The following RNF150 variants were observed in gnomAD, a reference collection of about 807,000 sequenced individuals.
The protein encoded by RNF150 is ring finger protein 150.
A neutral mutation model predicts 39.3 loss-of-function variants in RNF150; 24 were observed. The ratio of observed to expected loss-of-function variants is 0.61; its 90% confidence interval spans 0.44 to 0.86. The LOEUF is 0.86. RNF150 is among the 40% of genes least tolerant of loss of function. The pLI is 0.00. For missense variants in RNF150, 502 were observed against 587.8 expected (o/e 0.85, Z 1.51); for synonymous variants, 255 against 227.3 (o/e 1.12, Z -1.10).
chr4:140,999,992 A>AAGAAAGAAGAAGAAG (rs1491371280), intron 1 of RNF150, among the ~76,000 whole-genome samples: 1 of 22,422 alleles, frequency 4.5e-5, no homozygotes, highest in Non-Finnish European at 1.3e-4. Context: ...AGAAAAGAAG[A>AAGAAAGAAGAAGAAG]AAAGAAGAAG....
rs373816559 is a variant in RNF150 at position 140,868,077 on chromosome 4, A to C, written c.*184T>G. On this transcript the variant is annotated 3_prime_UTR_variant, in exon 7 of 7. Transcript: ENST00000515673. ...GCCAAGGCCACAGACTGCCATACCG[A>C]TGGAGAAACTGCATCCTGATTGACA... is the stretch of plus-strand genomic sequence containing the variant. 3 of 547,202 alleles carry C rather than the reference A, an allele frequency of 5.5e-6. No individual in the cohort carries two copies. In the African/African-American group the frequency reaches 5.8e-5, roughly 10 times the overall value. The allele number at this position is 547,202 out of a possible 1,614,324, so 33.9% of individuals were successfully genotyped here.
rs1314631654 is a variant in RNF150, at chr4:141,159,906, C to T, written c.-6+52888G>A. On this transcript the variant is annotated intron_variant, in intron 1 of 7. Coordinates refer to the RNF150 transcript ENST00000420921. Reference sequence around the variant, plus strand: ...AGCCATTGTCAAATGCCAGTCCTTACTGGTGTGTTTTTTTTTCAAACTCCC... The same window carrying T: ...AGCCATTGTCAAATGCCAGTCCTTATTGGTGTGTTTTTTTTTCAAACTCCC... Among the ~76,000 whole-genome samples, 3 of 151,630 alleles carry T rather than the reference C, an allele frequency of 2.0e-5. No homozygotes were observed. In the East Asian group the frequency reaches 5.8e-4, roughly 29 times the overall value.
At chr4:141,041,009 C>T (rs1169059683) in intron 1 of RNF150, among the ~76,000 whole-genome samples, 1 of 152,070 alleles carries the variant, frequency 6.6e-6, no homozygotes, top group African/African-American at 2.4e-5. Flanking sequence ...TGTTGGCACT[C>T]ATTCACTTTT....
intron 1 of RNF150, among the ~76,000 whole-genome samples, chr4:141,201,700 C>T (rs1560776932): frequency 2.0e-5 from 3 of 152,098 alleles, no homozygotes; most frequent in Non-Finnish European, 4.4e-5. Flanking sequence ...AAGTTTCTTT[C>T]TTTTTCTTTC....
intron 1 of RNF150, among the ~76,000 whole-genome samples, chr4:141,080,912 G>A (rs529109140): frequency 6.6e-6 from 1 of 152,292 alleles, no homozygotes; most frequent in East Asian, 1.9e-4. Flanking sequence ...ACAGCCGGTG[G>A]GCCGAATGTG....
chr4:141,201,080 G>A (rs1728282488), intron 1 of RNF150, among the ~76,000 whole-genome samples: 1 of 90,260 alleles, frequency 1.1e-5, no homozygotes, highest in Non-Finnish European at 2.3e-5. Context: ...CAATAGATCA[G>A]ATTATTATTT....
chr4:140,926,599 A>T (rs1198243134), intron 4 of RNF150, among the ~76,000 whole-genome samples: 1 of 152,234 alleles, frequency 6.6e-6, no homozygotes. Flanking sequence ...TTGTCAAATC[A>T]AAAGCCAGAG....
At chr4:140,984,429 T>C (rs1415255019) in intron 1 of RNF150, among the ~76,000 whole-genome samples, 1 of 152,144 alleles carries the variant, frequency 6.6e-6, no homozygotes, top group Non-Finnish European at 1.5e-5. Flanking sequence ...ATCAGTATTC[T>C]TAGGGCAGGT....
At chr4:140,994,105 C>T (rs1285340401) in intron 1 of RNF150, among the ~76,000 whole-genome samples, 1 of 152,176 alleles carries the variant, frequency 6.6e-6, no homozygotes, top group African/African-American at 2.4e-5. Flanking sequence ...TACCCAGAAA[C>T]ATGCATGCTT....
intron 1 of RNF150, among the ~76,000 whole-genome samples, chr4:141,035,021 A>G (rs558070629): frequency 1.3e-5 from 2 of 152,368 alleles, no homozygotes; most frequent in Admixed American, 1.3e-4. Context: ...CAATTTGTAA[A>G]AAATGCAATA....
intron 1 of RNF150, among the ~76,000 whole-genome samples, chr4:141,155,278 T>C (rs1727367861): frequency 9.8e-6 from 1 of 101,900 alleles, no homozygotes; most frequent in Admixed American, 9.3e-5. Context: ...TTTGTATTTT[T>C]AGTAGAGGCA....
chr4:141,208,059 G>T (rs1302251090), intron 1 of RNF150, among the ~76,000 whole-genome samples: 3 of 152,260 alleles, frequency 2.0e-5, no homozygotes, highest in African/African-American at 7.2e-5. Flanking sequence ...GATGATCTCA[G>T]TTATCTGTGG....
chr4:141,111,621 G>A (rs915908681), intron 1 of RNF150, among the ~76,000 whole-genome samples: 2 of 152,060 alleles, frequency 1.3e-5, no homozygotes, highest in Admixed American at 6.6e-5. Context: ...CAACAAAAGG[G>A]AACACTAAAA....
At position 140,868,172 on chromosome 4, in the gene RNF150, G is replaced by GGT; in HGVS notation, c.*87_*88dup. ...CCTGGAGTTGCCAAGGTGATCTGGA[G>GGT]GTGTGTGTGTGCCTGGTCCAAGTCT... On this transcript the variant is annotated 3_prime_UTR_variant, in exon 7 of 7. Transcript: ENST00000515673. 1.0e-5 allele frequency: 8 copies of GGT among 767,248 alleles called. No homozygotes were observed. Among genetic ancestry groups the GGT allele is most frequent in the South Asian group, 4.7e-5 (3 of 64,504 alleles). 47.5% of individuals were successfully genotyped at this position (767,248 alleles called of 1,614,324 possible). A position where few individuals can be genotyped will look rare whatever the true frequency, so the allele number is the denominator to read the frequency against.
At chr4:141,044,665 G>T (rs537685524) in intron 1 of RNF150, among the ~76,000 whole-genome samples, 6 of 152,138 alleles carry the variant, frequency 3.9e-5, no homozygotes, top group Non-Finnish European at 8.8e-5. Flanking sequence ...TTATGACTCA[G>T]ATCAGAAGCC....
Position 141,106,817 on chromosome 4 carries a change from T to A in RNF150, c.484+25508A>T, listed in dbSNP as rs553085292. ...CTCAAAAAAAATAATATATATATAT[T>A]ATTCCATCTACAATATTCTAGTCTA... On this transcript the variant is annotated intron_variant, in intron 1 of 6. Transcript: ENST00000515673. 3.9e-5 allele frequency among the ~76,000 whole-genome samples: 6 copies of A among 152,090 alleles called. No individual in the cohort carries two copies. In the East Asian group the frequency reaches 1.2e-3, roughly 29 times the overall value.
At chr4:141,108,089 T>C (rs1312015937) in intron 1 of RNF150, among the ~76,000 whole-genome samples, 1 of 152,166 alleles carries the variant, frequency 6.6e-6, no homozygotes, top group African/African-American at 2.4e-5. Context: ...GTTCCCTCTT[T>C]AGCATATCAT....
In RNF150 at chr4:141,175,694, G is replaced by C. The variant is rs148463142; in HGVS notation, c.-6+37100C>G. On this transcript the variant is annotated intron_variant, in intron 1 of 7. Coordinates refer to the RNF150 transcript ENST00000420921. The stretch of plus-strand genomic sequence containing the variant: ...TCTATTACTGAATGTTTTAGTTAGG[G>C]CTACTATAACTGCGTAGCTTATAAA... Among the ~76,000 whole-genome samples, 88 of 152,286 alleles carry C rather than the reference G, an allele frequency of 5.8e-4. No homozygotes were observed. The East Asian group carries it at 0.013, about 23-fold the overall frequency.
chr4:141,211,464 C>A (rs1728463894), intron 1 of RNF150, among the ~76,000 whole-genome samples: 1 of 152,100 alleles, frequency 6.6e-6, no homozygotes, highest in Non-Finnish European at 1.5e-5. Context: ...ATGAACACAT[C>A]TTACATTCCC....
Sources: gnomAD v4.1 joint callset for allele counts (sites outside exome capture counted in the v4.1 genomes callset) on GRCh38, gnomAD v4.1.1 for gene constraint, MANE v1.5 for transcripts, NCBI Gene and HGNC (gene_info 2026-07-23, HGNC 2026-07-21) for gene names.